Variants in TEX2 observed in about 807,000 individuals in gnomAD.
The protein encoded by TEX2 is testis expressed 2.
In TEX2, 53 loss-of-function variants were observed where a neutral mutation model predicts 106.9. The ratio of observed to expected loss-of-function variants is 0.50; its 90% CI spans 0.40 to 0.62. The LOEUF is 0.62. TEX2 is among the 20% of genes least tolerant of loss of function. The pLI, the probability that TEX2 is intolerant of heterozygous loss-of-function variation, is 0.00. For missense variants in TEX2, 1,207 were observed against 1,379.0 expected (o/e 0.88, Z 1.98); for synonymous variants, 523 against 534.8 (o/e 0.98, Z 0.30).
At chr17:64,193,208 C>T (rs112342024) in intron 4 of TEX2, among the ~76,000 whole-genome samples, 5 of 152,164 alleles carry the variant, frequency 3.3e-5, no homozygotes, top group South Asian at 2.1e-4. Flanking sequence ...GTCAGGTGCT[C>T]GAAAGTACCA....
intron 7 of TEX2, 70 bp downstream of exon 7, chr17:64,171,030 G>A: frequency 1.6e-6 from 2 of 1,249,050 alleles, no homozygotes; most frequent in Non-Finnish European, 2.3e-6. Flanking sequence ...CAAACACAAA[G>A]CCATCATGGT....
At chr17:64,188,476 A>C (rs755076713) in intron 4 of TEX2, 61 bp from the exon 5 acceptor site, 14 of 1,507,424 alleles carry the variant, frequency 9.3e-6, no homozygotes, top group Non-Finnish European at 1.2e-5. Context: ...AAGTAAGCGG[A>C]CTCCCTGAGA....
chr17:64,148,098 TTAAC>T lies in TEX2; in HGVS notation c.*867_*870del, dbSNP rs2030144249. ...TGCCCATGGAACTCTCCCAATCAGA[TTAAC>T]AAACTGTTTCGATTCCCATATAAAC... On this transcript the variant is annotated 3_prime_UTR_variant, in exon 12 of 12. Coordinates refer to ENST00000584379, the MANE Select transcript of TEX2 (RefSeq NM_001288732.2). The T allele has an allele frequency of 6.6e-6, 1 of 152,600 alleles. No homozygotes were observed. Among genetic ancestry groups the T allele is most frequent in the African/African-American group, 2.4e-5 (1 of 41,554 alleles). 9.5% of individuals were successfully genotyped at this position (152,600 alleles called of 1,614,324 possible).
intron 7 of TEX2, among the ~76,000 whole-genome samples, chr17:64,162,710 G>A (rs1198088411): frequency 3.3e-5 from 5 of 152,202 alleles, no homozygotes; most frequent in African/African-American, 1.2e-4. Context: ...GGAAGGCCCA[G>A]GGAAGAGCAA....
chr17:64,208,401 C>T (rs1260087960), intron 2 of TEX2, among the ~76,000 whole-genome samples: 3 of 151,796 alleles, frequency 2.0e-5, no homozygotes, highest in African/African-American at 7.3e-5. Flanking sequence ...CCACACCTGG[C>T]TTTTTAAACA....
intron 1 of TEX2, among the ~76,000 whole-genome samples, chr17:64,241,704 GCTCA>G (rs1191277553): frequency 6.6e-6 from 1 of 152,034 alleles, no homozygotes; most frequent in Non-Finnish European, 1.5e-5. Context: ...TGCGATCATA[GCTCA>G]CTGCAGCCTC....
intron 1 of TEX2, among the ~76,000 whole-genome samples, chr17:64,223,551 T>C (rs1387793438): frequency 1.3e-5 from 2 of 151,848 alleles, no homozygotes; most frequent in Non-Finnish European, 2.9e-5. Context: ...AATAGTAGTA[T>C]AGCCATGAAT....
intron 7 of TEX2, among the ~76,000 whole-genome samples, chr17:64,164,809 G>A (rs1343603571): frequency 6.6e-6 from 1 of 152,222 alleles, no homozygotes; most frequent in African/African-American, 2.4e-5. Flanking sequence ...GATAAGGGGT[G>A]GCCACAACCA....
intron 1 of TEX2, among the ~76,000 whole-genome samples, chr17:64,256,506 G>A (rs557002709): frequency 1.4e-4 from 22 of 152,164 alleles, no homozygotes; most frequent in African/African-American, 5.1e-4. Context: ...AGACATCCAC[G>A]TTGCTCTCTC....
At position 64,217,456 on chromosome 17, in the gene TEX2, T is replaced by C. The variant is rs1555632787; in HGVS notation, c.-25-3214A>G. 6.6e-6 allele frequency among the ~76,000 whole-genome samples: 1 copy of C among 152,186 alleles called. No individual in the cohort carries two copies. Among genetic ancestry groups the C allele is most frequent in the African/African-American group, 2.4e-5 (1 of 41,444 alleles). ...AGGCCCGATGCCCGGCAGGGTGCCT[T>C]TTCAAACATGCCACACACGCTCTTT... On this transcript the variant is annotated intron_variant, in intron 1 of 11. Coordinates refer to ENST00000584379, the MANE Select transcript of TEX2 (RefSeq NM_001288732.2). The surrounding 1 kb of genome is among the most constrained non-coding windows in gnomAD (Gnocchi z 4.3).
In TEX2 at chr17:64,152,678, T is replaced by A. The variant is rs191795624; in HGVS notation, c.3140+267A>T. Among the ~76,000 whole-genome samples, 330 of 152,348 alleles carry A rather than the reference T, an allele frequency of 2.2e-3. 2 individuals are homozygous for A. Among genetic ancestry groups the A allele is most frequent in the Non-Finnish European group, 3.2e-3 (216 of 68,028 alleles). On this transcript the variant is annotated intron_variant, in intron 10 of 11. Coordinates refer to ENST00000584379, the MANE Select transcript of TEX2 (RefSeq NM_001288732.2). ...TGGCTTTACAGAGGAGGAAGACCAA[T>A]AATAGAAACAGCTTATCTCATAAAC...
At position 64,214,042 on chromosome 17, in the gene TEX2, C is replaced by T; in HGVS notation, c.176G>A (p.Gly59Glu). The T allele has an allele frequency of 6.2e-7, 1 of 1,614,176 alleles. No individual in the cohort carries two copies. Among genetic ancestry groups the T allele is most frequent in the Non-Finnish European group, 8.5e-7 (1 of 1,180,042 alleles). ...EEEFREYFEE[G>E]LDDQSIVTGL... ...TGTTACAATGCTTTGGTCATCCAGCCCCTCCTCAAAGTACTCCCTGAACTC... is the reference window on the plus strand; with the variant it reads ...TGTTACAATGCTTTGGTCATCCAGCTCCTCCTCAAAGTACTCCCTGAACTC... Residue 59 changes from glycine to glutamate, a missense_variant, in exon 2 of 12, where the codon GGG becomes GAG. Physicochemically the swap from Gly to Glu is moderately conservative, Grantham distance 98 (BLOSUM62 -2). Transcript: ENST00000584379.
intron 2 of TEX2, among the ~76,000 whole-genome samples, chr17:64,201,035 T>C (rs1311029094): frequency 1.3e-5 from 2 of 152,202 alleles, no homozygotes; most frequent in Non-Finnish European, 1.5e-5. Flanking sequence ...TACACATTTA[T>C]TGTGAACAAT....
chr17:64,223,251 C>A (rs1411393818), intron 1 of TEX2, among the ~76,000 whole-genome samples: 1 of 151,830 alleles, frequency 6.6e-6, no homozygotes, highest in Non-Finnish European at 1.5e-5. Flanking sequence ...CCATGAAAAA[C>A]CAATCAACAA....
intron 5 of TEX2, among the ~76,000 whole-genome samples, chr17:64,178,185 G>T (rs1222605307): frequency 2.0e-5 from 3 of 152,226 alleles, no homozygotes; most frequent in Non-Finnish European, 4.4e-5. Flanking sequence ...TCCATCTGAA[G>T]CATCTGCTGT....
intron 1 of TEX2, 57 bp from the exon 2 acceptor site, chr17:64,214,299 T>C (rs1466972631): frequency 2.1e-5 from 30 of 1,438,892 alleles, no homozygotes; most frequent in Non-Finnish European, 2.7e-5. Context: ...CAGGAGACGC[T>C]GTCATTCGCA....
chr17:64,192,332 G>C (rs557031301), intron 4 of TEX2, among the ~76,000 whole-genome samples: 39 of 152,308 alleles, frequency 2.6e-4, no homozygotes, highest in South Asian at 1.2e-3. Context: ...CATATGACTG[G>C]TGTCCTTCCA....
At chr17:64,164,393 G>A (rs1035476895) in intron 7 of TEX2, among the ~76,000 whole-genome samples, 1 of 151,114 alleles carries the variant, frequency 6.6e-6, no homozygotes, top group Middle Eastern at 3.2e-3. Context: ...AGCCGCGATC[G>A]CCCTACTGCA....
rs146594538 is a variant in TEX2 at position 64,190,751 on chromosome 17, G to C, written c.2177-2336C>G. Among the ~76,000 whole-genome samples, 8 of 152,322 alleles carry C rather than the reference G, an allele frequency of 5.3e-5. No homozygotes were observed. The East Asian group carries it at 1.5e-3, about 29-fold the overall frequency. ...TTTCCTGACCTGCAGCCTGGGCACT[G>C]CTGGCTGGAAATGCAGAATCTCAGC... On this transcript the variant is annotated intron_variant, in intron 4 of 11. Coordinates refer to ENST00000584379, the MANE Select transcript of TEX2 (RefSeq NM_001288732.2).
Sources: allele counts gnomAD v4.1 joint callset (sites outside exome capture counted in the v4.1 genomes callset), GRCh38; gene constraint gnomAD v4.1.1; non-coding constraint Gnocchi (gnomAD v3.1); transcripts MANE v1.5; gene names NCBI Gene and HGNC (gene_info 2026-07-23, HGNC 2026-07-21).